Variants in CDH12 observed in about 807,000 individuals in gnomAD.
CDH12 encodes cadherin-12.
A neutral mutation model predicts 74.1 loss-of-function variants in CDH12; 41 were observed. The observed-to-expected ratio is 0.55, with a 90% CI of 0.43 to 0.72. The LOEUF is 0.72. Ranked by LOEUF, CDH12 falls within the 30% of genes least tolerant of loss-of-function variation. The probability of loss-of-function intolerance (pLI) is 0.00; values close to 1 mark genes in which losing one functional copy is unlikely to be tolerated. For missense variants in CDH12, 945 were observed against 977.2 expected, an observed-to-expected ratio of 0.97 and a Z score of 0.44; for synonymous variants, 399 against 355.0, an observed-to-expected ratio of 1.12 and a Z score of -1.39.
intron 1 of CDH12, among the ~76,000 whole-genome samples, chr5:22,802,410 G>A (rs562949599): frequency 6.6e-5 from 10 of 152,138 alleles, no homozygotes; most frequent in Admixed American, 5.2e-4. Context: ...GTGAGCTACC[G>A]TGCCTGGCCC....
intron 6 of CDH12, among the ~76,000 whole-genome samples, chr5:21,855,124 A>T (rs1008119052): frequency 6.6e-6 from 1 of 151,742 alleles, no homozygotes; most frequent in African/African-American, 2.4e-5. Flanking sequence ...CTTACTATTG[A>T]TGTTTTAATT....
chr5:21,794,186 G>A (rs1746653177), intron 10 of CDH12, among the ~76,000 whole-genome samples: 1 of 151,556 alleles, frequency 6.6e-6, no homozygotes, highest in Non-Finnish European at 1.5e-5. Context: ...GTTCTGGCAT[G>A]AACTTTATGG....
At chr5:22,620,954 C>A (rs575772713) in intron 1 of CDH12, among the ~76,000 whole-genome samples, 1 of 152,194 alleles carries the variant, frequency 6.6e-6, no homozygotes, top group Non-Finnish European at 1.5e-5. Context: ...AACTTAGCAT[C>A]TTCAACAACA....
intron 4 of CDH12, among the ~76,000 whole-genome samples, chr5:22,116,124 G>A (rs1253060179): frequency 1.3e-5 from 2 of 152,006 alleles, no homozygotes; most frequent in Non-Finnish European, 2.9e-5. Flanking sequence ...AGTTTATATG[G>A]GTGGGACCAA....
intron 4 of CDH12, among the ~76,000 whole-genome samples, chr5:22,122,253 A>T (rs1439750263): frequency 6.6e-6 from 1 of 152,060 alleles, no homozygotes; most frequent in Non-Finnish European, 1.5e-5. Flanking sequence ...AAATACAAAA[A>T]TTAGGTGGGC....
chr5:22,530,060 T>C (rs566218364), intron 1 of CDH12, among the ~76,000 whole-genome samples: 1 of 152,316 alleles, frequency 6.6e-6, no homozygotes, highest in Admixed American at 6.5e-5. Context: ...ATTTTAAATT[T>C]TTTCATTCCT....
chr5:22,425,023 T>G (rs1015337431), intron 2 of CDH12, among the ~76,000 whole-genome samples: 1 of 149,766 alleles, frequency 6.7e-6, no homozygotes, highest in African/African-American at 2.4e-5. Context: ...TATCTGCACA[T>G]TGCTTTTTTA....
intron 1 of CDH12, among the ~76,000 whole-genome samples, chr5:22,770,003 G>T (rs1294992129): frequency 6.6e-6 from 1 of 151,512 alleles, no homozygotes; most frequent in Non-Finnish European, 1.5e-5. Flanking sequence ...TTACAATATG[G>T]TTCATATAAA....
In CDH12 at chr5:22,713,440, C is replaced by T. The variant is rs140419669; in HGVS notation, c.-523+139618G>A. Among the ~76,000 whole-genome samples, 153 of 152,018 alleles carry T rather than the reference C, an allele frequency of 1.0e-3. 1 individual carries two copies. Among genetic ancestry groups the T allele is most frequent in the African/African-American group, 3.6e-3 (149 of 41,454 alleles). On this transcript the variant is annotated intron_variant, in intron 1 of 14. Coordinates refer to ENST00000382254, the MANE Select transcript of CDH12 (RefSeq NM_004061.5). ...ACAGGCATGAGCCACCGCACCCGGC[C>T]GACCTTAGGCTAATTCTTTAGCCTT...
At chr5:21,762,475 G>A (rs1310742431) in intron 12 of CDH12, among the ~76,000 whole-genome samples, 1 of 151,764 alleles carries the variant, frequency 6.6e-6, no homozygotes, top group Non-Finnish European at 1.5e-5. Flanking sequence ...AGAATGGCAG[G>A]GCTCAAAAAC....
chr5:22,553,436 C>T (rs534176803), intron 1 of CDH12, among the ~76,000 whole-genome samples: 57 of 152,128 alleles, frequency 3.7e-4, no homozygotes, highest in African/African-American at 1.3e-3. Flanking sequence ...TCTTTTCTGA[C>T]TTATGACCAT....
intron 1 of CDH12, chr5:22,580,516 C>T: frequency 2.1e-6 from 1 of 479,954 alleles, no homozygotes; most frequent in Non-Finnish European, 4.3e-6. Context: ...CCGGGGACTT[C>T]AGGAATACTC....
intron 3 of CDH12, among the ~76,000 whole-genome samples, chr5:22,385,070 G>T (rs1159183351): frequency 6.6e-6 from 1 of 152,082 alleles, no homozygotes; most frequent in Non-Finnish European, 1.5e-5. Context: ...TCCTTGGAAT[G>T]CTGCAAATCA....
chr5:22,310,997 T>C (rs945501623), intron 3 of CDH12, among the ~76,000 whole-genome samples: 2 of 152,232 alleles, frequency 1.3e-5, no homozygotes, highest in Non-Finnish European at 2.9e-5. Context: ...GCATATTTTA[T>C]AGCTGGTAAT....
intron 1 of CDH12, among the ~76,000 whole-genome samples, chr5:22,528,087 C>CTT (rs1737370803): frequency 6.6e-6 from 1 of 152,078 alleles, no homozygotes; most frequent in African/African-American, 2.4e-5. Context: ...TGTACCTAAC[C>CTT]TTTAGGGCCC....
chr5:22,179,582 G>A (rs1561194202), intron 4 of CDH12, among the ~76,000 whole-genome samples: 1 of 152,138 alleles, frequency 6.6e-6, no homozygotes, highest in African/African-American at 2.4e-5. Flanking sequence ...ACGGCTTGAA[G>A]ATTACCTTAA....
intron 4 of CDH12, among the ~76,000 whole-genome samples, chr5:22,101,731 T>C (rs1316149334): frequency 6.6e-6 from 1 of 152,228 alleles, no homozygotes; most frequent in African/African-American, 2.4e-5. Flanking sequence ...GTAGAAAATA[T>C]TATTTCCAAG....
chr5:22,099,237 G>T (rs1743992676), intron 4 of CDH12, among the ~76,000 whole-genome samples: 1 of 152,022 alleles, frequency 6.6e-6, no homozygotes, highest in Non-Finnish European at 1.5e-5. Flanking sequence ...CCTCTATACG[G>T]TCTGATAACA....
At chr5:21,804,505 TA>T (rs1278771772) in intron 9 of CDH12, among the ~76,000 whole-genome samples, 1 of 152,146 alleles carries the variant, frequency 6.6e-6, no homozygotes, top group African/African-American at 2.4e-5. Flanking sequence ...GAAGGGCCAT[TA>T]TGTTGACATT....
Sources: gnomAD v4.1 joint callset for allele counts (sites outside exome capture counted in the v4.1 genomes callset) on GRCh38, gnomAD v4.1.1 for gene constraint, MANE v1.5 for transcripts, NCBI Gene and HGNC (gene_info 2026-07-23, HGNC 2026-07-21) for gene names.